Variants in CCNY observed in about 807,000 individuals in gnomAD.
The protein encoded by CCNY is cyclin-Y.
Under a neutral mutation model 42.8 loss-of-function variants are expected in CCNY, and 19 were observed. That is an observed-to-expected ratio of 0.44 (90% CI 0.31 to 0.65). The LOEUF is 0.65. Ranked by LOEUF, CCNY falls within the 30% of genes least tolerant of loss-of-function variation. CCNY has a pLI of 0.07. For synonymous variants in CCNY, 165 were observed against 162.7 expected, an observed-to-expected ratio of 1.01 and a Z score of -0.11; for missense variants, 370 against 437.3, an observed-to-expected ratio of 0.85 and a Z score of 1.37.
chr10:35,379,902 G>A (rs981382438), intron 1 of CCNY, among the ~76,000 whole-genome samples: 3 of 152,168 alleles, frequency 2.0e-5, no homozygotes, highest in African/African-American at 7.2e-5. Flanking sequence ...ACCACACAAG[G>A]AGGAGAAACA....
chr10:35,335,445 G>C (rs779685708), upstream of CCNY, among the ~76,000 whole-genome samples: 24 of 152,032 alleles, frequency 1.6e-4, no homozygotes, highest in Non-Finnish European at 2.9e-4. Context: ...TATTAAAATA[G>C]CTCTGGGACC....
intron 8 of CCNY, among the ~76,000 whole-genome samples, chr10:35,553,870 G>T (rs185636339): frequency 1.3e-5 from 2 of 152,260 alleles, no homozygotes; most frequent in East Asian, 1.9e-4. Flanking sequence ...GCAGACTGTT[G>T]TCTGGGGGGT....
chr10:35,483,579 G>T, intron 2 of CCNY, 101 bp downstream of exon 2: 1 of 735,874 alleles, frequency 1.4e-6, no homozygotes, highest in Non-Finnish European at 2.3e-6. Flanking sequence ...ATGAAATAGA[G>T]TCCCTTTAGT....
At chr10:35,395,725 G>A (rs542275068) in intron 1 of CCNY, among the ~76,000 whole-genome samples, 1 of 152,334 alleles carries the variant, frequency 6.6e-6, no homozygotes, top group South Asian at 2.1e-4. Context: ...ACTAAAGTTT[G>A]GTAAGAGAGA....
intron 7 of CCNY, among the ~76,000 whole-genome samples, chr10:35,548,213 G>A (rs1841157997): frequency 6.7e-6 from 1 of 149,696 alleles, no homozygotes; most frequent in African/African-American, 2.5e-5. Flanking sequence ...TTCTTACAAT[G>A]AAGTAAGCCA....
At chr10:35,390,719 A>G (rs1837396446) in intron 1 of CCNY, among the ~76,000 whole-genome samples, 1 of 152,318 alleles carries the variant, frequency 6.6e-6, no homozygotes, top group Admixed American at 6.5e-5. Flanking sequence ...CTTGCTGCCA[A>G]AGATGCCTTT....
chr10:35,373,496 A>G (rs1343273496), intron 1 of CCNY, among the ~76,000 whole-genome samples: 1 of 152,100 alleles, frequency 6.6e-6, no homozygotes, highest in Admixed American at 6.5e-5. Flanking sequence ...ACATGGGTCT[A>G]TATATATAGT....
At chr10:35,421,894 G>T (rs750156617) in intron 1 of CCNY, among the ~76,000 whole-genome samples, 81 of 152,052 alleles carry the variant, frequency 5.3e-4, no homozygotes, top group Non-Finnish European at 9.9e-4. Context: ...CTCAGTGTTG[G>T]GTGAATTTTA....
At chr10:35,411,394 T>C (rs3013378) in intron 1 of CCNY, among the ~76,000 whole-genome samples, 10,780 of 151,464 alleles carry the variant, frequency 0.071, 629 homozygotes, top group African/African-American at 0.16. Context: ...GTGCCTGTGA[T>C]CTCGGCTACT....
chr10:35,459,511 C>A (rs1839110514), intron 1 of CCNY, among the ~76,000 whole-genome samples: 1 of 152,164 alleles, frequency 6.6e-6, no homozygotes, highest in African/African-American at 2.4e-5. Flanking sequence ...GATTGGACAT[C>A]CCTTGTGTAG....
chr10:35,320,705 A>G (rs1835810981), intron 3 of CCNY, among the ~76,000 whole-genome samples: 1 of 152,270 alleles, frequency 6.6e-6, no homozygotes, highest in Non-Finnish European at 1.5e-5. Flanking sequence ...ATGATTGTGT[A>G]TGTAGAAACA....
chr10:35,379,452 A>G (rs906970169), intron 1 of CCNY, among the ~76,000 whole-genome samples: 1 of 152,226 alleles, frequency 6.6e-6, no homozygotes, highest in African/African-American at 2.4e-5. Flanking sequence ...ACTCTGTATT[A>G]CAGGAAATGA....
At chr10:35,391,306 A>G (rs1027848024) in intron 1 of CCNY, among the ~76,000 whole-genome samples, 1 of 152,176 alleles carries the variant, frequency 6.6e-6, no homozygotes, top group Non-Finnish European at 1.5e-5. Context: ...TAAAGAGGTC[A>G]TGGGTATGAG....
At chr10:35,247,943 A>G (rs1406971094) in intron 1 of CCNY, among the ~76,000 whole-genome samples, 2 of 151,660 alleles carry the variant, frequency 1.3e-5, no homozygotes, top group Non-Finnish European at 2.9e-5. Context: ...AAAAAAAAAG[A>G]AAAATAGAGA....
chr10:35,402,018 G>A lies in CCNY; in HGVS notation c.154+64811G>A, dbSNP rs140854574. ...CTTAGCTTGGGCTTAGAGGCCTGAC[G>A]TTCCTGTCTTCTTATATTAATAAGA... On this transcript the variant is annotated intron_variant, in intron 1 of 9. Transcript: ENST00000374704. Among the ~76,000 whole-genome samples the A allele has an allele frequency of 7.6e-4, 115 of 152,210 alleles. 2 individuals are homozygous for A. In the East Asian group the frequency reaches 0.016, roughly 21 times the overall value.
chr10:35,267,733 G>A (rs1871199), intron 3 of CCNY, among the ~76,000 whole-genome samples: 1,815 of 152,296 alleles, frequency 0.012, 47 homozygotes, highest in African/African-American at 0.041. Context: ...GTGTGGGCAC[G>A]AGTGCTGCCC....
At chr10:35,482,975 A>G (rs1234880176) in intron 1 of CCNY, among the ~76,000 whole-genome samples, 3 of 152,170 alleles carry the variant, frequency 2.0e-5, no homozygotes, top group Non-Finnish European at 4.4e-5. Flanking sequence ...GAGTATGTGG[A>G]TGCTGATTCG....
intron 7 of CCNY, among the ~76,000 whole-genome samples, chr10:35,541,631 G>A (rs891910013): frequency 1.8e-4 from 28 of 152,168 alleles, no homozygotes; most frequent in Non-Finnish European, 3.2e-4. Flanking sequence ...AACTCCTGTC[G>A]TCAAGTGACT....
intron 8 of CCNY, among the ~76,000 whole-genome samples, chr10:35,562,150 G>A (rs532311857): frequency 1.3e-5 from 2 of 152,304 alleles, no homozygotes; most frequent in Admixed American, 1.3e-4. Context: ...GTTTTGCACT[G>A]TTCCCGTAAA....
Sources: allele counts gnomAD v4.1 joint callset (sites outside exome capture counted in the v4.1 genomes callset), GRCh38; gene constraint gnomAD v4.1.1; transcripts MANE v1.5; gene names NCBI Gene and HGNC (gene_info 2026-07-23, HGNC 2026-07-21).